Variants in CCSER1 observed in about 807,000 individuals in gnomAD.
The protein encoded by CCSER1 is serine-rich coiled-coil domain-containing protein 1.
CCSER1 carries 41 observed loss-of-function variants against 82.0 expected under a neutral mutation model. The observed-to-expected ratio is 0.50, with a 90% CI of 0.39 to 0.65. The LOEUF is 0.65. Ranked by LOEUF, CCSER1 falls within the 30% of genes least tolerant of loss-of-function variation. The pLI, the probability that CCSER1 is intolerant of heterozygous loss-of-function variation, is 0.00. For synonymous variants in CCSER1, 414 were observed against 383.9 expected (o/e 1.08, Z -0.92); for missense variants, 1,119 against 1,064.2 (o/e 1.05, Z -0.72).
intron 10 of CCSER1, among the ~76,000 whole-genome samples, chr4:91,254,056 T>C (rs113816838): frequency 0.02 from 2,997 of 152,226 alleles, 98 homozygotes; most frequent in African/African-American, 0.066. Flanking sequence ...AGATTGAAAC[T>C]ATATCAGTAA....
intron 6 of CCSER1, among the ~76,000 whole-genome samples, chr4:90,690,765 A>G (rs927327143): frequency 1.1e-4 from 17 of 151,942 alleles, no homozygotes; most frequent in Admixed American, 9.2e-4. Context: ...TCTTTAAGTT[A>G]GTATGTGTGA....
intron 1 of CCSER1, among the ~76,000 whole-genome samples, chr4:90,217,373 T>C (rs1741258373): frequency 6.6e-6 from 1 of 152,018 alleles, no homozygotes; most frequent in Non-Finnish European, 1.5e-5. Flanking sequence ...ATTTTTGTAT[T>C]TTTTTAGTAG....
intron 5 of CCSER1, among the ~76,000 whole-genome samples, chr4:90,511,205 G>C (rs917561506): frequency 1.3e-5 from 2 of 152,060 alleles, no homozygotes; most frequent in African/African-American, 4.8e-5. Context: ...AGATCATGAG[G>C]TCAAGAGATT....
At chr4:91,074,536 G>T (rs1721759437) in intron 9 of CCSER1, among the ~76,000 whole-genome samples, 1 of 152,150 alleles carries the variant, frequency 6.6e-6, no homozygotes, top group Admixed American at 6.5e-5. Context: ...TGCTCTAGAA[G>T]TTATACAGTT....
At chr4:90,918,636 G>GAT (rs1289158974) in intron 8 of CCSER1, among the ~76,000 whole-genome samples, 38 of 150,280 alleles carry the variant, frequency 2.5e-4, no homozygotes, top group African/African-American at 9.2e-4. Context: ...TCATTCAAGA[G>GAT]AGATATATAT....
At chr4:90,955,374 C>T (rs185789407) in intron 9 of CCSER1, among the ~76,000 whole-genome samples, 2 of 152,254 alleles carry the variant, frequency 1.3e-5, no homozygotes, top group East Asian at 3.9e-4. Context: ...CAAGCATTAG[C>T]TCACAAAAAT....
intron 8 of CCSER1, among the ~76,000 whole-genome samples, chr4:90,859,183 C>A (rs925155698): frequency 6.6e-6 from 1 of 151,736 alleles, no homozygotes; most frequent in Non-Finnish European, 1.5e-5. Context: ...TTGTTTGGCA[C>A]AATGGAATTA....
intron 1 of CCSER1, among the ~76,000 whole-genome samples, chr4:90,275,977 A>G (rs978054807): frequency 3.3e-5 from 5 of 152,180 alleles, no homozygotes; most frequent in African/African-American, 1.2e-4. Flanking sequence ...TAATTTACAG[A>G]GAGCATTAAA....
intron 5 of CCSER1, among the ~76,000 whole-genome samples, chr4:90,472,376 T>C (rs1387460767): frequency 6.6e-6 from 1 of 152,052 alleles, no homozygotes; most frequent in East Asian, 1.9e-4. Flanking sequence ...AATATTTTAC[T>C]TTTGACTTTT....
At chr4:90,354,149 T>C (rs557021369) in intron 3 of CCSER1, among the ~76,000 whole-genome samples, 7 of 152,246 alleles carry the variant, frequency 4.6e-5, no homozygotes, top group South Asian at 2.1e-4. Context: ...TTGCAATCAA[T>C]TGAGTGAAAC....
chr4:90,577,152 T>G (rs1480416370), intron 5 of CCSER1, among the ~76,000 whole-genome samples: 1 of 152,150 alleles, frequency 6.6e-6, no homozygotes, highest in Admixed American at 6.5e-5. Context: ...TATGCTTATT[T>G]CTTGTCTGTA....
At chr4:90,537,317 T>G (rs1180745052) in intron 5 of CCSER1, among the ~76,000 whole-genome samples, 1 of 152,154 alleles carries the variant, frequency 6.6e-6, no homozygotes, top group Non-Finnish European at 1.5e-5. Context: ...TTTACTTTTT[T>G]ATATCTTTTT....
At chr4:91,119,944 A>C (rs1373513101) in intron 10 of CCSER1, among the ~76,000 whole-genome samples, 3 of 151,998 alleles carry the variant, frequency 2.0e-5, no homozygotes, top group Non-Finnish European at 4.4e-5. Flanking sequence ...GAGGGTTTAC[A>C]ACCCTATGGA....
chr4:90,654,874 T>C (rs921861230), intron 6 of CCSER1, among the ~76,000 whole-genome samples: 3 of 151,926 alleles, frequency 2.0e-5, no homozygotes, highest in Non-Finnish European at 4.4e-5. Flanking sequence ...ATAGGTGGGG[T>C]TAGAAAGGAG....
chr4:91,407,409 A>G (rs1400187536), intron 10 of CCSER1, among the ~76,000 whole-genome samples: 1 of 152,296 alleles, frequency 6.6e-6, no homozygotes, highest in East Asian at 1.9e-4. Context: ...CTCTTTACAA[A>G]TAAGTTCCTA....
chr4:91,445,838 G>T (rs982255847), intron 10 of CCSER1, among the ~76,000 whole-genome samples: 1 of 151,932 alleles, frequency 6.6e-6, no homozygotes, highest in African/African-American at 2.4e-5. Context: ...TACTGTCTTT[G>T]ATTGGATACC....
chr4:91,217,801 C>A (rs1292923114), intron 10 of CCSER1, among the ~76,000 whole-genome samples: 1 of 152,226 alleles, frequency 6.6e-6, no homozygotes, highest in East Asian at 1.9e-4. Context: ...GGTGCACTCA[C>A]AAACCTTGAG....
In CCSER1 at chr4:90,884,416, A is replaced by G. The variant is rs549362087; in HGVS notation, c.2095-38954A>G. Among the ~76,000 whole-genome samples, 11 of 152,284 alleles carry G rather than the reference A, an allele frequency of 7.2e-5. No homozygotes were observed. The East Asian group carries it at 2.1e-3, about 29-fold the overall frequency. On this transcript the variant is annotated intron_variant, in intron 8 of 10. Transcript: ENST00000509176. ...CACATACACATGTTGATATCAATAT[A>G]TATAATCAATTTATATACATATTGT...
At chr4:90,280,254 A>G (rs755457246) in intron 1 of CCSER1, among the ~76,000 whole-genome samples, 3 of 152,026 alleles carry the variant, frequency 2.0e-5, no homozygotes, top group Non-Finnish European at 4.4e-5. Context: ...ACAAACTGTA[A>G]TGATGAATTT....
Sources: gnomAD v4.1 joint callset for allele counts (sites outside exome capture counted in the v4.1 genomes callset) on GRCh38, gnomAD v4.1.1 for gene constraint, MANE v1.5 for transcripts, NCBI Gene and HGNC (gene_info 2026-07-23, HGNC 2026-07-21) for gene names.